The following MEIOB variants were observed in gnomAD, a reference collection of about 807,000 sequenced individuals.
The protein encoded by MEIOB is meiosis specific with OB-fold.
A neutral mutation model predicts 53.1 loss-of-function variants in MEIOB; 50 were observed. The ratio of observed to expected loss-of-function variants is 0.94; its 90% CI spans 0.75 to 1.19. The LOEUF (loss-of-function observed/expected upper bound fraction) is 1.19. Among genes scored for constraint, MEIOB ranks in the 50% most tolerant of loss-of-function variants. The probability of loss-of-function intolerance (pLI) is 0.00; values close to 1 mark genes in which losing one functional copy is unlikely to be tolerated. For missense variants in MEIOB, 551 were observed against 550.8 expected, an observed-to-expected ratio of 1.00 and a Z score of 0.00; for synonymous variants, 192 against 182.5, an observed-to-expected ratio of 1.05 and a Z score of -0.42.
Position 1,839,457 on chromosome 16 carries a change from A to T in MEIOB, c.1035-19T>A. The stretch of plus-strand genomic sequence containing the variant: ...GCTGGAACTGAAAAGAAACAAAGAC[A>T]ATGATAAAATGTGATGCCCTAAGCT... On this transcript the variant is annotated intron_variant, in intron 11 of 13. Transcript: ENST00000325962. 1 of 1,591,118 alleles carries T rather than the reference A, an allele frequency of 6.3e-7. No individual in the cohort carries two copies. Among genetic ancestry groups the T allele is most frequent in the South Asian group, 1.1e-5 (1 of 87,496 alleles).
At chr16:1,870,066 G>T (rs947493412) in intron 1 of MEIOB, among the ~76,000 whole-genome samples, 5 of 151,774 alleles carry the variant, frequency 3.3e-5, no homozygotes, top group Non-Finnish European at 7.4e-5. Context: ...TAGAGATGGG[G>T]TTTCACTGTG....
At chr16:1,860,049 G>C (rs1028764259) in intron 5 of MEIOB, among the ~76,000 whole-genome samples, 1 of 152,168 alleles carries the variant, frequency 6.6e-6, no homozygotes, top group African/African-American at 2.4e-5. Context: ...TGCTTCGAAG[G>C]AATCTGCCCT....
At chr16:1,847,350 T>C (rs957075628) in intron 9 of MEIOB, among the ~76,000 whole-genome samples, 2 of 151,622 alleles carry the variant, frequency 1.3e-5, no homozygotes, top group Non-Finnish European at 2.9e-5. Context: ...TAATCCCAGC[T>C]ACTTGGGGGG....
At chr16:1,866,009 C>T (rs1287307806) in intron 2 of MEIOB, among the ~76,000 whole-genome samples, 174 bp from the exon 3 acceptor site, 1 of 152,076 alleles carries the variant, frequency 6.6e-6, no homozygotes, top group Non-Finnish European at 1.5e-5. Context: ...TGTTCAATTC[C>T]ACAAGGAATA....
chr16:1,847,891 T>C lies in MEIOB; in HGVS notation c.779-2928A>G, dbSNP rs563273664. On this transcript the variant is annotated intron_variant, in intron 9 of 13. Coordinates refer to ENST00000325962, the MANE Select transcript of MEIOB (RefSeq NM_001163560.3). ...TTCCTGAAATGGCATTATCTACAAA[T>C]GATAATGCCAACATTTTAAAAAATG... 2.0e-5 allele frequency among the ~76,000 whole-genome samples: 3 copies of C among 152,262 alleles called. No homozygotes were observed. The South Asian group carries it at 6.2e-4, about 32-fold the overall frequency.
chr16:1,868,349 G>C (rs991146808), intron 1 of MEIOB, among the ~76,000 whole-genome samples, 165 bp from the exon 2 acceptor site: 1 of 151,996 alleles, frequency 6.6e-6, no homozygotes, highest in African/African-American at 2.4e-5. Context: ...CTGAGGTCAG[G>C]AGTTCAAGAC....
rs991528792 is a variant in MEIOB at position 1,872,148 on chromosome 16, C to T, written c.-165G>A. ...CGTGCAGGTGCGACGGCCGCGCGAC[C>T]GTTAGCGCGAGGCCCCGCCCCGTCC... On this transcript the variant is annotated 5_prime_UTR_variant, in exon 1 of 14. Coordinates refer to ENST00000325962, the MANE Select transcript of MEIOB (RefSeq NM_001163560.3). The T allele has an allele frequency of 6.6e-6, 1 of 152,020 alleles. No homozygotes were observed. The highest frequency in any genetic ancestry group is 2.4e-5 in the African/African-American group (1 of 41,418). 9.4% of individuals were successfully genotyped at this position (152,020 alleles called of 1,614,324 possible). A position where few individuals can be genotyped will look rare whatever the true frequency, so the allele number is the denominator to read the frequency against.
In MEIOB at chr16:1,857,791, C is replaced by A; in HGVS notation, c.472G>T (p.Ala158Ser). The A allele has an allele frequency of 6.4e-7, 1 of 1,551,854 alleles. No individual in the cohort carries two copies. The highest frequency in any genetic ancestry group is 8.7e-7 in the Non-Finnish European group (1 of 1,146,956). ...HDYYSLGDIVANGHSLNGRII... is the reference protein window; with the variant it reads ...HDYYSLGDIVSNGHSLNGRII... ...CTCCCATTAAGACTGTGTCCATTTG[C>A]AACAATGTCACCCAGTGAATAATAA... The change falls in exon 6 of 14, where the codon GCA becomes TCA. Residue 158 changes from alanine to serine, a missense_variant. By Grantham distance (99) the Ala-to-Ser change is moderately conservative. Coordinates refer to ENST00000325962, the MANE Select transcript of MEIOB (RefSeq NM_001163560.3).
intron 9 of MEIOB, among the ~76,000 whole-genome samples, chr16:1,846,071 C>T (rs1485524349): frequency 2.6e-5 from 4 of 152,204 alleles, no homozygotes; most frequent in Admixed American, 1.3e-4. Context: ...ATCTGACCAG[C>T]CACTCATCTC....
intron 11 of MEIOB, chr16:1,841,098 C>CCT (rs1426883296): frequency 1.3e-5 from 2 of 150,052 alleles, no homozygotes; most frequent in Non-Finnish European, 3.0e-5. Flanking sequence ...CTCACCGCGA[C>CCT]CTCCGCCTCC....
At chr16:1,844,122 C>CTT (rs755682782) in intron 10 of MEIOB, among the ~76,000 whole-genome samples, 12 of 129,418 alleles carry the variant, frequency 9.3e-5, no homozygotes, top group African/African-American at 2.6e-4. Context: ...TATTATGTTT[C>CTT]TTTTTTTTTT....
In MEIOB at chr16:1,850,381, C is replaced by T. The variant is rs149853541; in HGVS notation, c.778+2658G>A. Among the ~76,000 whole-genome samples, 450 of 150,582 alleles carry T rather than the reference C, an allele frequency of 3.0e-3. 1 individual carries two copies. The highest frequency in any genetic ancestry group is 4.7e-3 in the Non-Finnish European group (315 of 67,678). On this transcript the variant is annotated intron_variant, in intron 9 of 13. Transcript: ENST00000325962. ...ATCACTGGAGCCCAGAAGTTCAAGA[C>T]CAGCCTGGCCAATATGGTGAAACCC...
At chr16:1,834,656 G>T (rs971750977) in intron 13 of MEIOB, among the ~76,000 whole-genome samples, 2 of 152,228 alleles carry the variant, frequency 1.3e-5, no homozygotes, top group African/African-American at 4.8e-5. Context: ...GCCGGGTGCT[G>T]GTGCAGTGGC....
intron 13 of MEIOB, among the ~76,000 whole-genome samples, chr16:1,835,416 T>A (rs1447206179): frequency 6.6e-6 from 1 of 152,212 alleles, no homozygotes; most frequent in Admixed American, 6.5e-5. Flanking sequence ...AATAGTCTTA[T>A]TTTTTATAAT....
intron 11 of MEIOB, among the ~76,000 whole-genome samples, chr16:1,841,441 A>G (rs567241194): frequency 6.6e-6 from 1 of 152,322 alleles, no homozygotes; most frequent in South Asian, 2.1e-4. Context: ...CAGCCTCCTG[A>G]GTAGCTGAGA....
At chr16:1,835,878 GA>G (rs1898733264) in intron 13 of MEIOB, among the ~76,000 whole-genome samples, 1 of 89,456 alleles carries the variant, frequency 1.1e-5, no homozygotes, top group African/African-American at 4.3e-5. Flanking sequence ...TTTTTTTTTT[GA>G]GACACAGTCT....
intron 2 of MEIOB, among the ~76,000 whole-genome samples, chr16:1,866,835 T>C (rs989134871): frequency 1.6e-4 from 25 of 152,232 alleles, no homozygotes; most frequent in African/African-American, 6.0e-4. Context: ...CTTACAATAA[T>C]CTTGACATTT....
chr16:1,845,176 G>A (rs957999241), intron 9 of MEIOB, among the ~76,000 whole-genome samples: 3 of 152,182 alleles, frequency 2.0e-5, no homozygotes, highest in Non-Finnish European at 4.4e-5. Context: ...TTAGTGAAAA[G>A]AGCAGCTTAC....
chr16:1,855,647 G>A (rs1292018403), intron 6 of MEIOB, among the ~76,000 whole-genome samples: 1 of 152,196 alleles, frequency 6.6e-6, no homozygotes, highest in Non-Finnish European at 1.5e-5. Context: ...TAATAGCACT[G>A]TCTAGAATTT....
Sources: allele counts gnomAD v4.1 joint callset (sites outside exome capture counted in the v4.1 genomes callset), GRCh38; gene constraint gnomAD v4.1.1; transcripts MANE v1.5; gene names NCBI Gene and HGNC (gene_info 2026-07-23, HGNC 2026-07-21).